ABR: variants seen among roughly 807,000 people sequenced by gnomAD.
ABR encodes the protein active breakpoint cluster region-related protein.
ABR carries 35 observed loss-of-function variants against 107.2 expected under a neutral mutation model. That is an observed-to-expected ratio of 0.33 (90% CI 0.25 to 0.43). The LOEUF (loss-of-function observed/expected upper bound fraction) is 0.43. ABR is among the 20% of genes least tolerant of loss of function. ABR has a pLI of 1.00. For synonymous variants in ABR, 498 were observed against 462.0 expected (o/e 1.08, Z -1.00); for missense variants, 815 against 1,115.2 (o/e 0.73, Z 3.83).
At chr17:1,181,013 G>C (rs538540763), upstream of ABR, among the ~76,000 whole-genome samples, 4 of 152,292 alleles carry the variant, frequency 2.6e-5, no homozygotes, top group African/African-American at 9.6e-5. Context: ...CCCAGATAGT[G>C]ACATTTCAGA....
At chr17:1,041,101 G>C (rs954053032) in intron 16 of ABR, among the ~76,000 whole-genome samples, 1 of 152,032 alleles carries the variant, frequency 6.6e-6, no homozygotes, top group Non-Finnish European at 1.5e-5. Context: ...TCTATTTTTA[G>C]TAGAGACGGC....
chr17:1,047,357 C>T (rs1040436094), intron 16 of ABR, among the ~76,000 whole-genome samples: 5 of 152,256 alleles, frequency 3.3e-5, no homozygotes, highest in African/African-American at 9.6e-5. Context: ...CCGTGGGGCC[C>T]GGGTTCGTGG....
At position 1,056,869 on chromosome 17, in the gene ABR, C is replaced by A. The variant is rs2033338475; in HGVS notation, c.1486+129G>T. On this transcript the variant is annotated intron_variant, in intron 13 of 22. Coordinates refer to ENST00000302538, the MANE Select transcript of ABR (RefSeq NM_021962.5). The stretch of plus-strand genomic sequence containing the variant: ...CCCAAGCTGTGTCCTGGCCACTCAA[C>A]AGTCTCAGCACAGCCGAGCAGGGAT... 7.8e-6 allele frequency: 5 copies of A among 639,138 alleles called. No homozygotes were observed. In the South Asian group the frequency reaches 8.8e-5, roughly 11 times the overall value. 39.6% of individuals were successfully genotyped at this position (639,138 alleles called of 1,614,324 possible). A position where few individuals can be genotyped will look rare whatever the true frequency, so the allele number is the denominator to read the frequency against.
chr17:1,213,670 C>T (rs1306161381), intron 1 of ABR, among the ~76,000 whole-genome samples: 1 of 152,060 alleles, frequency 6.6e-6, no homozygotes, highest in Non-Finnish European at 1.5e-5. Flanking sequence ...GGATTACAGG[C>T]GTGAGGCACC....
At chr17:1,007,609 G>A (rs1413155279) in intron 21 of ABR, among the ~76,000 whole-genome samples, 1 of 152,250 alleles carries the variant, frequency 6.6e-6, no homozygotes, top group Non-Finnish European at 1.5e-5. Flanking sequence ...CCTTGCCTGA[G>A]AGCAGATACT....
intron 2 of ABR, among the ~76,000 whole-genome samples, chr17:1,109,585 C>T (rs1029355685): frequency 2.6e-5 from 4 of 152,112 alleles, no homozygotes; most frequent in Admixed American, 1.3e-4. Flanking sequence ...CCAGACGCAT[C>T]TTCATTCCCC....
chr17:1,124,573 C>T lies in ABR; in HGVS notation c.246+610G>A, dbSNP rs547834632. ...GTTAATGACAAGGACCGCAAACCCT[C>T]CACAGTTTCTATCCCTGGCCTGTCT... is the stretch of plus-strand genomic sequence containing the variant. On this transcript the variant is annotated intron_variant, in intron 2 of 22. Coordinates refer to ENST00000302538, the MANE Select transcript of ABR (RefSeq NM_021962.5). Among the ~76,000 whole-genome samples the T allele has an allele frequency of 6.6e-5, 10 of 152,366 alleles. No individual in the cohort carries two copies. The South Asian group carries it at 1.7e-3, about 25-fold the overall frequency.
At chr17:1,024,999 T>TA (rs1222906311) in intron 16 of ABR, among the ~76,000 whole-genome samples, 4 of 148,002 alleles carry the variant, frequency 2.7e-5, no homozygotes, top group Non-Finnish European at 5.9e-5. Context: ...CGGGCGCCTG[T>TA]AGTCCCAGCT....
chr17:1,076,726 G>GGGGGC (rs2035758651), intron 6 of ABR, among the ~76,000 whole-genome samples: 1 of 99,556 alleles, frequency 1.0e-5, no homozygotes, highest in East Asian at 3.6e-4. Flanking sequence ...GGGGGGGTGG[G>GGGGGC]GGTGGGGGGG....
chr17:1,017,602 G>A (rs1426872615), intron 16 of ABR, among the ~76,000 whole-genome samples: 4 of 151,294 alleles, frequency 2.6e-5, no homozygotes, highest in Non-Finnish European at 5.9e-5. Flanking sequence ...CAATTAGCTG[G>A]GACTACAGGT....
rs1448543299 is a variant in ABR, at chr17:1,200,331, G to A, written c.838+28462C>T. On this transcript the variant is annotated intron_variant, in intron 1 of 22. Coordinates refer to the ABR transcript ENST00000574139. This position sits in a 1 kb window ranked among gnomAD's most constrained non-coding sequence, Gnocchi z 4.1. ...TTCGGACGATCGCTTGAAGCCAGGA[G>A]TTCAAGACCAGCCTGGGCAACATAG... Among the ~76,000 whole-genome samples the A allele has an allele frequency of 6.6e-6, 1 of 151,964 alleles. No individual in the cohort carries two copies. Among genetic ancestry groups the A allele is most frequent in the Non-Finnish European group, 1.5e-5 (1 of 68,006 alleles).
intron 1 of ABR, among the ~76,000 whole-genome samples, chr17:1,220,634 T>G (rs1158984274): frequency 6.6e-6 from 1 of 152,156 alleles, no homozygotes; most frequent in African/African-American, 2.4e-5. Flanking sequence ...CGAGTCCCTG[T>G]GACTACAACA....
intron 3 of ABR, among the ~76,000 whole-genome samples, chr17:1,099,095 T>G (rs1290247058): frequency 6.7e-6 from 1 of 149,932 alleles, no homozygotes; most frequent in East Asian, 2.0e-4. Context: ...CCTTTTTTTT[T>G]GAGGAATTTC....
chr17:1,067,148 G>T lies in ABR; in HGVS notation c.1111C>A (p.Pro371Thr). Residue 371 changes from proline to threonine, a missense_variant, in exon 10 of 23, where the codon CCC becomes ACC. Physicochemically the swap from Pro to Thr is conservative, Grantham distance 38. This residue lies in a region of ABR where 385 missense variants were observed against 596.9 expected (regional missense o/e 0.64). Transcript: ENST00000302538. ...EESEASPQVH[P>T]FPDHELEDMK... ...TCCTCCAGCTCATGGTCTGGGAAGG[G>T]GTGCACCTGGGGGCTGGCCTCAGAC... 1 of 1,613,856 alleles carries T rather than the reference G, an allele frequency of 6.2e-7. No homozygotes were observed. The highest frequency in any genetic ancestry group is 1.1e-5 in the South Asian group (1 of 91,036).
At chr17:1,212,092 A>C (rs1379386030) in intron 1 of ABR, among the ~76,000 whole-genome samples, 1 of 149,978 alleles carries the variant, frequency 6.7e-6, no homozygotes, top group Admixed American at 6.6e-5. Flanking sequence ...CGAAAAAAAA[A>C]AAAATTACTA....
intron 14 of ABR, among the ~76,000 whole-genome samples, chr17:1,054,695 C>G (rs62069676): frequency 0.14 from 1,399 of 9,762 alleles, 561 homozygotes; most frequent in African/African-American, 0.45. Flanking sequence ...CAAGGAACCT[C>G]AGGGGATGGG....
intron 1 of ABR, among the ~76,000 whole-genome samples, chr17:1,204,061 C>T (rs1043074940): frequency 9.2e-5 from 14 of 152,248 alleles, no homozygotes; most frequent in African/African-American, 3.4e-4. Flanking sequence ...CTCCCGGCCT[C>T]TCCCTCATCT....
rs2035888471 is a variant in ABR at position 1,078,156 on chromosome 17, C to T, written c.700+1174G>A. Reference sequence around the variant, plus strand: ...GACCTTCACAGAGTAGCTTGCCACACCCCTCTCCCGCTGGCCCTGCCGACC... The same window carrying T: ...GACCTTCACAGAGTAGCTTGCCACATCCCTCTCCCGCTGGCCCTGCCGACC... On this transcript the variant is annotated intron_variant, in intron 6 of 22. Transcript: ENST00000302538. This position sits in a 1 kb window ranked among gnomAD's most constrained non-coding sequence, Gnocchi z 7.5. Among the ~76,000 whole-genome samples the T allele has an allele frequency of 6.6e-6, 1 of 151,582 alleles. No homozygotes were observed. Among genetic ancestry groups the T allele is most frequent in the African/African-American group, 2.4e-5 (1 of 41,392 alleles).
intron 1 of ABR, among the ~76,000 whole-genome samples, chr17:1,194,066 C>G (rs912502211): frequency 6.6e-6 from 1 of 152,180 alleles, no homozygotes; most frequent in African/African-American, 2.4e-5. Flanking sequence ...TTTCCATCCT[C>G]TTTCTCCTCT....
Sources: allele counts gnomAD v4.1 joint callset (sites outside exome capture counted in the v4.1 genomes callset), GRCh38; gene constraint gnomAD v4.1.1; regional missense constraint gnomAD v4.1.1; non-coding constraint Gnocchi (gnomAD v3.1); transcripts MANE v1.5; gene names NCBI Gene and HGNC (gene_info 2026-07-23, HGNC 2026-07-21).